Variants in VKORC1L1 observed in about 807,000 individuals in gnomAD.
The protein encoded by VKORC1L1 is vitamin K epoxide reductase complex subunit 1-like protein 1.
VKORC1L1 carries 2 observed loss-of-function variants against 18.9 expected under a neutral mutation model. The observed-to-expected ratio is 0.11, with a 90% CI of 0.04 to 0.33. The LOEUF is 0.33. Among genes scored for constraint, VKORC1L1 ranks in the 10% least tolerant of loss-of-function variants. The pLI, the probability that VKORC1L1 is intolerant of heterozygous loss-of-function variation, is 1.00. For missense variants in VKORC1L1, 123 were observed against 224.1 expected (o/e 0.55, Z 2.88); for synonymous variants, 96 against 100.0 (o/e 0.96, Z 0.24).
At position 65,889,677 on chromosome 7, in the gene VKORC1L1, A is replaced by G. The variant is rs562650532; in HGVS notation, c.194+16112A>G. 6.6e-5 allele frequency among the ~76,000 whole-genome samples: 10 copies of G among 152,330 alleles called. No homozygotes were observed. In the South Asian group the frequency reaches 8.3e-4, roughly 13 times the overall value. On this transcript the variant is annotated intron_variant, in intron 1 of 2. Coordinates refer to ENST00000360768, the MANE Select transcript of VKORC1L1 (RefSeq NM_173517.6). ...TCCCTTAACTTTCCCCTAGTCAACT[A>G]TATGCGTCCCCCTTCTCAAAAGTTA...
At position 65,895,433 on chromosome 7, in the gene VKORC1L1, T is replaced by G. The variant is rs373169796; in HGVS notation, c.194+21868T>G. ...GAGTTGGAGACCAGCCTGGGCCATA[T>G]AGTGAAATGCCATCTGTGAGAAAAA... On this transcript the variant is annotated intron_variant, in intron 1 of 2. Transcript: ENST00000360768. Among the ~76,000 whole-genome samples the G allele has an allele frequency of 1.7e-3, 190 of 113,368 alleles. 10 individuals are homozygous for G. In the South Asian group the frequency reaches 0.054, roughly 32 times the overall value. 74.4% of individuals were successfully genotyped at this position (113,368 alleles called of 152,430 possible). A position where few individuals can be genotyped will look rare whatever the true frequency, so the allele number is the denominator to read the frequency against.
At chr7:65,928,925 T>G (rs566910718) in intron 1 of VKORC1L1, among the ~76,000 whole-genome samples, 7 of 152,328 alleles carry the variant, frequency 4.6e-5, no homozygotes, top group African/African-American at 1.4e-4. Flanking sequence ...GTTTATTTGC[T>G]CTTCTGGTAG....
At chr7:65,886,593 A>G (rs62470884) in intron 1 of VKORC1L1, among the ~76,000 whole-genome samples, 5,642 of 152,030 alleles carry the variant, frequency 0.037, 157 homozygotes, top group East Asian at 0.09. Flanking sequence ...GCTGGAGTGC[A>G]GTGGTGCAAT....
rs1790256709 is a variant in VKORC1L1, at chr7:65,954,215, A to G, written c.446A>G (p.Asn149Ser). The G allele has an allele frequency of 6.2e-7, 1 of 1,613,958 alleles. No individual in the cohort carries two copies. The highest frequency in any genetic ancestry group is 1.3e-5 in the African/African-American group (1 of 74,866). ...ATCTGCATCGTCACGTACGTGCTGA[A>G]CTTCCTTCTTCTCATTATCAACTAC... ...CIICIVTYVLNFLLLIINYKR... is the reference protein window; with the variant it reads ...CIICIVTYVLSFLLLIINYKR... The change falls in exon 3 of 3, where the codon AAC becomes AGC. Residue 149 changes from asparagine to serine, a missense_variant. Asn to Ser is a conservative substitution (Grantham distance 46, BLOSUM62 1). Coordinates refer to ENST00000360768, the MANE Select transcript of VKORC1L1 (RefSeq NM_173517.6).
At chr7:65,953,282 CCT>C (rs1422139400) in intron 2 of VKORC1L1, among the ~76,000 whole-genome samples, 1 of 152,188 alleles carries the variant, frequency 6.6e-6, no homozygotes, top group Non-Finnish European at 1.5e-5. Flanking sequence ...GGTGTAGTCA[CCT>C]CTCATTGTGG....
At chr7:65,885,679 CA>C (rs1426877074) in intron 1 of VKORC1L1, among the ~76,000 whole-genome samples, 2 of 152,008 alleles carry the variant, frequency 1.3e-5, no homozygotes, top group Non-Finnish European at 2.9e-5. Context: ...TCAAATGCCA[CA>C]AGGCTTTTCT....
At chr7:65,937,297 G>T (rs1789960450) in intron 1 of VKORC1L1, among the ~76,000 whole-genome samples, 1 of 152,070 alleles carries the variant, frequency 6.6e-6, no homozygotes, top group South Asian at 2.1e-4. Context: ...ATTGCTTTTT[G>T]TGTTGTCCAA....
At chr7:65,877,930 A>G (rs1788856147) in intron 1 of VKORC1L1, among the ~76,000 whole-genome samples, 1 of 152,114 alleles carries the variant, frequency 6.6e-6, no homozygotes, top group Admixed American at 6.6e-5. Context: ...GGGCCTCCAT[A>G]TATGCAGGTT....
chr7:65,912,063 G>A (rs1335530649), intron 1 of VKORC1L1, among the ~76,000 whole-genome samples: 1 of 152,172 alleles, frequency 6.6e-6, no homozygotes, highest in East Asian at 1.9e-4. Flanking sequence ...AACAGAGGTT[G>A]CAGTGAGCCG....
At chr7:65,889,475 A>T (rs558122911) in intron 1 of VKORC1L1, among the ~76,000 whole-genome samples, 1 of 152,200 alleles carries the variant, frequency 6.6e-6, no homozygotes, top group African/African-American at 2.4e-5. Flanking sequence ...CTCCCCCACC[A>T]AATTCAATCA....
rs1345040894 is a variant in VKORC1L1 at position 65,873,196 on chromosome 7, T to A, written c.-176T>A. On this transcript the variant is annotated 5_prime_UTR_variant, in exon 1 of 3. Transcript: ENST00000360768. Reference sequence around the variant, plus strand: ...TTTTGGGGCGGTTGGGCCGCGCGCCTGTGGGGGCGGGGCCCGGAGCAGGCC... The same window carrying A: ...TTTTGGGGCGGTTGGGCCGCGCGCCAGTGGGGGCGGGGCCCGGAGCAGGCC... 1.2e-6 allele frequency: 1 copy of A among 801,360 alleles called. No homozygotes were observed. The highest frequency in any genetic ancestry group is 1.5e-6 in the Non-Finnish European group (1 of 663,472). 49.6% of individuals were successfully genotyped at this position (801,360 alleles called of 1,614,324 possible). A position where few individuals can be genotyped will look rare whatever the true frequency, so the allele number is the denominator to read the frequency against.
At chr7:65,908,291 G>A (rs761789146) in intron 1 of VKORC1L1, among the ~76,000 whole-genome samples, 1 of 152,160 alleles carries the variant, frequency 6.6e-6, no homozygotes, top group East Asian at 1.9e-4. Context: ...GCGCATGCCT[G>A]TAATCCCAGC....
At chr7:65,931,082 C>A (rs193079111) in intron 1 of VKORC1L1, among the ~76,000 whole-genome samples, 1 of 152,076 alleles carries the variant, frequency 6.6e-6, no homozygotes, top group Non-Finnish European at 1.5e-5. Context: ...CCCACTTGGT[C>A]ATGATATATT....
rs527373678 is a variant in VKORC1L1 at position 65,882,924 on chromosome 7, C to T, written c.194+9359C>T. On this transcript the variant is annotated intron_variant, in intron 1 of 2. Transcript: ENST00000360768. ...CAGGTGTAATTAAATCCTTAGATAG[C>T]GTTAATGTACTATTTAAAAAACACA... Among the ~76,000 whole-genome samples the T allele has an allele frequency of 5.3e-5, 8 of 152,200 alleles. No homozygotes were observed. The East Asian group carries it at 7.7e-4, about 15-fold the overall frequency.
At chr7:65,871,512 T>C (rs1225925155), upstream of VKORC1L1, among the ~76,000 whole-genome samples, 1 of 152,170 alleles carries the variant, frequency 6.6e-6, no homozygotes, top group African/African-American at 2.4e-5. Context: ...GAGACTATTT[T>C]CTAAGTAGCA....
rs1240802466 is a variant in VKORC1L1 at position 65,955,692 on chromosome 7, C to CT, written c.*1395dup. On this transcript the variant is annotated 3_prime_UTR_variant, in exon 3 of 3. Transcript: ENST00000360768. Reference sequence around the variant, plus strand: ...TGGGCAGAAGAAGTGTCCTTCCCTCCTTTCTTCACCGTCAGGTAGAAAACC... The same window carrying CT: ...TGGGCAGAAGAAGTGTCCTTCCCTCCTTTTCTTCACCGTCAGGTAGAAAACC... The CT allele has an allele frequency of 6.6e-6, 1 of 152,232 alleles. No individual in the cohort carries two copies. Among genetic ancestry groups the CT allele is most frequent in the Non-Finnish European group, 1.5e-5 (1 of 68,044 alleles). 9.4% of individuals were successfully genotyped at this position (152,232 alleles called of 1,614,324 possible). A position where few individuals can be genotyped will look rare whatever the true frequency, so the allele number is the denominator to read the frequency against.
chr7:65,928,603 A>T (rs531096721), intron 1 of VKORC1L1, among the ~76,000 whole-genome samples: 2 of 152,324 alleles, frequency 1.3e-5, no homozygotes, highest in African/African-American at 2.4e-5. Context: ...GCTGAGTGAT[A>T]GTCCATGGTA....
At chr7:65,914,927 G>A (rs989199350) in intron 1 of VKORC1L1, among the ~76,000 whole-genome samples, 1 of 152,082 alleles carries the variant, frequency 6.6e-6, no homozygotes, top group African/African-American at 2.4e-5. Flanking sequence ...ACTCACTTGA[G>A]CCTAGGAGTT....
At chr7:65,945,233 C>A (rs1231497292) in intron 1 of VKORC1L1, among the ~76,000 whole-genome samples, 1 of 151,794 alleles carries the variant, frequency 6.6e-6, no homozygotes, top group Non-Finnish European at 1.5e-5. Context: ...TACACTCCAG[C>A]CTGGGCGACA....
Sources: allele counts gnomAD v4.1 joint callset (sites outside exome capture counted in the v4.1 genomes callset), GRCh38; gene constraint gnomAD v4.1.1; transcripts MANE v1.5; gene names NCBI Gene and HGNC (gene_info 2026-07-23, HGNC 2026-07-21).